The following MAP3K19 variants were observed in gnomAD, a reference collection of about 807,000 sequenced individuals.
MAP3K19 encodes mitogen-activated protein kinase kinase kinase 19, also known as SPS1/STE20-related protein kinase YSK4.
MAP3K19 carries 91 observed loss-of-function variants against 114.4 expected under a neutral mutation model. The observed-to-expected ratio is 0.80, with a 90% CI of 0.67 to 0.95. The LOEUF is 0.95. MAP3K19 is among the 40% of genes least tolerant of loss of function. MAP3K19 has a pLI of 0.00. For synonymous variants in MAP3K19, 518 were observed against 530.5 expected, an observed-to-expected ratio of 0.98 and a Z score of 0.32; for missense variants, 1,471 against 1,573.2, an observed-to-expected ratio of 0.94 and a Z score of 1.10.
At chr2:134,969,277 G>A (rs1683688189) in intron 12 of MAP3K19, among the ~76,000 whole-genome samples, 1 of 152,136 alleles carries the variant, frequency 6.6e-6, no homozygotes, top group Admixed American at 6.5e-5. Flanking sequence ...AGGCAGGGAG[G>A]TTGCAGTGAG....
At chr2:135,000,448 C>T (rs943371795) in intron 6 of MAP3K19, among the ~76,000 whole-genome samples, 3 of 152,156 alleles carry the variant, frequency 2.0e-5, no homozygotes, top group African/African-American at 7.2e-5. Context: ...CAGAATAACC[C>T]TTAAGACAGA....
At chr2:134,991,649 G>A (rs1685590042) in intron 8 of MAP3K19, 69 bp from the exon 9 acceptor site, 3 of 1,301,664 alleles carry the variant, frequency 2.3e-6, no homozygotes, top group Admixed American at 1.7e-5. Flanking sequence ...GCCAGAGTCT[G>A]GGGATGGAGT....
At chr2:134,976,228 C>A (rs1473221294) in intron 12 of MAP3K19, among the ~76,000 whole-genome samples, 1 of 152,216 alleles carries the variant, frequency 6.6e-6, no homozygotes, top group African/African-American at 2.4e-5. Context: ...TGGTGCCATG[C>A]TGTAGCTGCT....
chr2:135,034,480 G>T lies in MAP3K19; in HGVS notation c.-283-3980C>A, dbSNP rs1246014433. On this transcript the variant is annotated intron_variant, in intron 2 of 12. Transcript: ENST00000392915. ...GCGGCTGGGAGGTGGAGGTTGTAGC[G>T]AGCCGAGATCACGCCACTGCACTCC... is the stretch of plus-strand genomic sequence containing the variant. Among the ~76,000 whole-genome samples the T allele has an allele frequency of 1.6e-5, 2 of 127,732 alleles. 1 individual carries two copies. The highest frequency in any genetic ancestry group is 4.8e-4 in the East Asian group (2 of 4,178). 83.8% of individuals were successfully genotyped at this position (127,732 alleles called of 152,430 possible).
chr2:135,019,189 G>A (rs555944898), intron 5 of MAP3K19, among the ~76,000 whole-genome samples: 7 of 152,070 alleles, frequency 4.6e-5, no homozygotes, highest in Admixed American at 1.3e-4. Context: ...CCTGGGCTTC[G>A]GTGAACAATT....
intron 10 of MAP3K19, among the ~76,000 whole-genome samples, chr2:134,985,399 G>A (rs1057339408): frequency 2.6e-5 from 4 of 152,188 alleles, no homozygotes; most frequent in Non-Finnish European, 5.9e-5. Context: ...GCCACTTCTG[G>A]AGCCATGTTC....
chr2:135,043,608 T>C (rs1001905962), intron 1 of MAP3K19, among the ~76,000 whole-genome samples: 1 of 152,214 alleles, frequency 6.6e-6, no homozygotes, highest in African/African-American at 2.4e-5. Flanking sequence ...ACAAACAGTA[T>C]TATCACCCAA....
Position 134,999,070 on chromosome 2 carries a change from C to G in MAP3K19, c.315-73G>C. 3 of 1,493,552 alleles carry G rather than the reference C, an allele frequency of 2.0e-6. No individual in the cohort carries two copies. The highest frequency in any genetic ancestry group is 2.7e-6 in the Non-Finnish European group (3 of 1,105,744). 92.5% of individuals were successfully genotyped at this position (1,493,552 alleles called of 1,614,324 possible). A position where few individuals can be genotyped will look rare whatever the true frequency, so the allele number is the denominator to read the frequency against. On this transcript the variant is annotated intron_variant, in intron 7 of 12. Coordinates refer to ENST00000392915, the MANE Select transcript of MAP3K19 (RefSeq NM_025052.5). The surrounding 1 kb of genome is among the most constrained non-coding windows in gnomAD (Gnocchi z 4.1). ...TCTGGATCTCCAGTCCTCAGTTCAG[C>G]CTGACATCACTAGAAAGTTTGAAGA...
chr2:134,976,184 G>A (rs1684222728), intron 12 of MAP3K19, among the ~76,000 whole-genome samples: 2 of 152,196 alleles, frequency 1.3e-5, no homozygotes, highest in East Asian at 1.9e-4. Context: ...ACCCCAGGGC[G>A]GGATGGAGTC....
At chr2:135,021,596 T>C in intron 5 of MAP3K19, 119 bp downstream of exon 5, 2 of 606,536 alleles carry the variant, frequency 3.3e-6, no homozygotes, top group Non-Finnish European at 5.7e-6. Context: ...ATATGCTTTT[T>C]TATGATTACA....
intron 2 of MAP3K19, among the ~76,000 whole-genome samples, chr2:135,035,546 C>A (rs988034501): frequency 1.3e-5 from 2 of 152,152 alleles, no homozygotes; most frequent in African/African-American, 4.8e-5. Flanking sequence ...TTTTTATCTT[C>A]TTTTTCTGGG....
At chr2:135,041,084 C>G (rs980229484) in intron 1 of MAP3K19, among the ~76,000 whole-genome samples, 7 of 151,692 alleles carry the variant, frequency 4.6e-5, no homozygotes, top group Admixed American at 3.9e-4. Context: ...CCACCTTATA[C>G]GTATTTCCTT....
intron 5 of MAP3K19, among the ~76,000 whole-genome samples, chr2:135,019,719 T>C (rs1687840236): frequency 6.6e-6 from 1 of 152,218 alleles, no homozygotes; most frequent in Admixed American, 6.5e-5. Flanking sequence ...AGGATCTTTA[T>C]TTGGGATATG....
intron 8 of MAP3K19, among the ~76,000 whole-genome samples, chr2:134,997,797 G>A (rs112609080): frequency 0.16 from 21,400 of 132,076 alleles, 1,970 homozygotes; most frequent in Middle Eastern, 0.48. Flanking sequence ...CCAGCCTGGT[G>A]ACAGAGCGAG....
chr2:135,002,612 TTAA>T (rs754377530), intron 6 of MAP3K19, among the ~76,000 whole-genome samples: 4 of 123,022 alleles, frequency 3.3e-5, no homozygotes, highest in African/African-American at 1.6e-4. Flanking sequence ...AACACAGACT[TTAA>T]AAAAAAAAAA....
At chr2:134,978,507 A>G (rs1380944615) in intron 12 of MAP3K19, among the ~76,000 whole-genome samples, 3 of 152,132 alleles carry the variant, frequency 2.0e-5, no homozygotes, top group Non-Finnish European at 4.4e-5. Context: ...GGCTGTTATA[A>G]TTATTTTTAA....
At position 134,999,959 on chromosome 2, in the gene MAP3K19, G is replaced by T; in HGVS notation, c.292C>A (p.Gln98Lys). Residue 98 changes from glutamine (Q) to lysine (K), a missense_variant, in exon 7 of 13, where the codon CAA becomes AAA. Coordinates refer to ENST00000392915, the MANE Select transcript of MAP3K19 (RefSeq NM_025052.5). The surrounding 1 kb of genome is among the most constrained non-coding windows in gnomAD (Gnocchi z 4.1). ...RDVSPPQEMS[Q>K]EDLKEKNLIN... ...TACTTCTTTTCTTTTAAGTCTTCTT[G>T]GCTCATTTCTTGGGGAGGACTGACA... 6.2e-7 allele frequency: 1 copy of T among 1,609,972 alleles called. No individual in the cohort carries two copies.
intron 9 of MAP3K19, chr2:134,991,206 C>A (rs1685548038): frequency 1.1e-5 from 3 of 271,948 alleles, no homozygotes; most frequent in African/African-American, 6.6e-5. Context: ...GAGGCTGAGG[C>A]AGGAGAATGG....
intron 4 of MAP3K19, among the ~76,000 whole-genome samples, chr2:135,022,940 C>T (rs1320232230): frequency 6.6e-6 from 1 of 152,112 alleles, no homozygotes; most frequent in Admixed American, 6.6e-5. Context: ...GTTCCTAACA[C>T]CAAACAGCAG....
Sources: allele counts gnomAD v4.1 joint callset (sites outside exome capture counted in the v4.1 genomes callset), GRCh38; gene constraint gnomAD v4.1.1; non-coding constraint Gnocchi (gnomAD v3.1); transcripts MANE v1.5; gene names NCBI Gene and HGNC (gene_info 2026-07-23, HGNC 2026-07-21).